Variants in ANKRD30B observed in about 807,000 individuals in gnomAD.
ANKRD30B encodes ankyrin repeat domain 30B.
In ANKRD30B, 144 loss-of-function variants were observed where a neutral mutation model predicts 202.2. That is an observed-to-expected ratio of 0.71 (90% CI 0.62 to 0.82). The LOEUF (loss-of-function observed/expected upper bound fraction) is 0.82. Ranked by LOEUF, ANKRD30B falls within the 40% of genes least tolerant of loss-of-function variation. The probability of loss-of-function intolerance (pLI) is 0.00; values close to 1 mark genes in which losing one functional copy is unlikely to be tolerated. For synonymous variants in ANKRD30B, 508 were observed against 561.3 expected (o/e 0.91, Z 1.34); for missense variants, 1,487 against 1,669.1 (o/e 0.89, Z 1.90).
the ANKRD30B span, among the ~76,000 whole-genome samples, chr18:14,908,230 A>G: frequency 6.6e-6 from 1 of 152,218 alleles, no homozygotes; most frequent in Non-Finnish European, 1.5e-5. Context: ...TAAGACCATT[A>G]AAGGTGTCAG....
chr18:14,878,304 T>C, the ANKRD30B span, among the ~76,000 whole-genome samples: 1 of 152,264 alleles, frequency 6.6e-6, no homozygotes, highest in Non-Finnish European at 1.5e-5. Context: ...TTATCTACCC[T>C]GTGGTTAGAA....
At chr18:14,895,079 G>A in the ANKRD30B span, among the ~76,000 whole-genome samples, 1 of 150,412 alleles carries the variant, frequency 6.6e-6, no homozygotes, top group East Asian at 2.0e-4. Flanking sequence ...ATAAGTGGGA[G>A]CTAAACACTG....
chr18:14,758,192 C>T (rs1042827067), intron 5 of ANKRD30B, among the ~76,000 whole-genome samples: 1 of 152,100 alleles, frequency 6.6e-6, no homozygotes, highest in African/African-American at 2.4e-5. Flanking sequence ...AACACAGTGT[C>T]ACAATTTTGA....
chr18:14,855,413 G>T (rs1189138425), downstream of ANKRD30B, among the ~76,000 whole-genome samples: 1 of 152,194 alleles, frequency 6.6e-6, no homozygotes, highest in Non-Finnish European at 1.5e-5. Context: ...CCCGATGGTG[G>T]CTGTCTCTTC....
intron 30 of ANKRD30B, among the ~76,000 whole-genome samples, chr18:14,821,461 G>T (rs1248931686): frequency 2.0e-5 from 3 of 152,060 alleles, no homozygotes. Flanking sequence ...ATGTTAGGGT[G>T]TTTTTTCTTT....
At chr18:14,800,043 C>T (rs1969212617) in intron 22 of ANKRD30B, among the ~76,000 whole-genome samples, 2 of 151,648 alleles carry the variant, frequency 1.3e-5, no homozygotes, top group East Asian at 3.9e-4. Context: ...CGAGCCTGGT[C>T]AACACAGTGA....
In ANKRD30B at chr18:14,791,470, A is replaced by G. The variant is rs755642677; in HGVS notation, c.1804A>G (p.Thr602Ala). ...AGCTACACATCAAAAAGAATTCGAT[A>G]CCTTAAGTGGAAAATTAGAAGGTAA... ...PKATHQKEFDTLSGKLEESPV... is the reference protein window; with the variant it reads ...PKATHQKEFDALSGKLEESPV... The change falls in exon 16 of 44, where the codon ACC becomes GCC. Residue 602 changes from threonine to alanine, a missense_variant. Transcript: ENST00000690538. The G allele has an allele frequency of 3.7e-6, 6 of 1,609,922 alleles. No individual in the cohort carries two copies. The East Asian group carries it at 1.1e-4, about 30-fold the overall frequency.
the ANKRD30B span, among the ~76,000 whole-genome samples, chr18:14,873,214 G>A: frequency 2.0e-5 from 3 of 152,152 alleles, no homozygotes; most frequent in South Asian, 2.1e-4. Context: ...TAAACAATAT[G>A]TATATCTTTA....
the ANKRD30B span, among the ~76,000 whole-genome samples, chr18:14,912,869 A>C: frequency 6.6e-6 from 1 of 152,252 alleles, no homozygotes; most frequent in African/African-American, 2.4e-5. Context: ...AAAATCTACA[A>C]TCCAAGCTTG....
chr18:14,891,932 C>T, the ANKRD30B span, among the ~76,000 whole-genome samples: 1 of 152,174 alleles, frequency 6.6e-6, no homozygotes, highest in Non-Finnish European at 1.5e-5. Context: ...AGCATATTTG[C>T]AATACCTCCA....
the ANKRD30B span, among the ~76,000 whole-genome samples, chr18:14,917,313 T>G: frequency 1.3e-5 from 2 of 152,238 alleles, no homozygotes; most frequent in Admixed American, 1.3e-4. Context: ...TTAATTGTTC[T>G]CTTTCCTTTC....
chr18:14,843,697 G>C (rs1971517778), intron 39 of ANKRD30B, among the ~76,000 whole-genome samples: 1 of 152,070 alleles, frequency 6.6e-6, no homozygotes, highest in African/African-American at 2.4e-5. Context: ...GGGAGGCTGA[G>C]GCAGGAGAAT....
intron 41 of ANKRD30B, among the ~76,000 whole-genome samples, chr18:14,850,791 A>T (rs1021965154): frequency 6.6e-6 from 1 of 151,866 alleles, no homozygotes; most frequent in African/African-American, 2.4e-5. Flanking sequence ...CTTCTTTACC[A>T]CTTTTGTTTT....
chr18:14,860,419 ATGGGG>A, the ANKRD30B span, among the ~76,000 whole-genome samples: 5 of 109,852 alleles, frequency 4.6e-5, no homozygotes, highest in Non-Finnish European at 5.7e-5. Context: ...CACCTCCCAG[ATGGGG>A]CAGCCGGGAA....
the ANKRD30B span, among the ~76,000 whole-genome samples, chr18:14,919,467 G>A: frequency 6.6e-6 from 1 of 152,164 alleles, no homozygotes. Flanking sequence ...CATAAGCAGA[G>A]GTGTGAGCCT....
intron 7 of ANKRD30B, among the ~76,000 whole-genome samples, chr18:14,767,379 A>G (rs1186467609): frequency 2.0e-5 from 3 of 152,226 alleles, no homozygotes; most frequent in African/African-American, 7.2e-5. Context: ...AGTTTAATTT[A>G]TAAATTTGGC....
At chr18:14,916,128 G>A in the ANKRD30B span, among the ~76,000 whole-genome samples, 1 of 152,194 alleles carries the variant, frequency 6.6e-6, no homozygotes, top group African/African-American at 2.4e-5. Flanking sequence ...TTGGCTGATG[G>A]TGCTGCTGTG....
At chr18:14,926,674 A>G in the ANKRD30B span, among the ~76,000 whole-genome samples, 1 of 152,222 alleles carries the variant, frequency 6.6e-6, no homozygotes, top group African/African-American at 2.4e-5. Flanking sequence ...AAGCATAAAA[A>G]TCAACTTTGG....
the ANKRD30B span, among the ~76,000 whole-genome samples, chr18:14,934,945 CACA>C: frequency 0.017 from 2,514 of 150,404 alleles, 82 homozygotes; most frequent in African/African-American, 0.059. Context: ...CACACACACA[CACA>C]CCCCATCGTG....
Sources: gnomAD v4.1 joint callset for allele counts (sites outside exome capture counted in the v4.1 genomes callset) on GRCh38, gnomAD v4.1.1 for gene constraint, MANE v1.5 for transcripts, NCBI Gene and HGNC (gene_info 2026-07-23, HGNC 2026-07-21) for gene names.